The following LOXHD1 variants were observed in gnomAD, a reference collection of about 807,000 sequenced individuals.
LOXHD1 encodes the protein lipoxygenase homology PLAT domains 1.
A neutral mutation model predicts 248.2 loss-of-function variants in LOXHD1; 205 were observed. The ratio of observed to expected loss-of-function variants is 0.83; its 90% CI spans 0.74 to 0.93. LOXHD1 has a LOEUF of 0.93. LOXHD1 is among the 40% of genes least tolerant of loss of function. LOXHD1 has a pLI of 0.00. For synonymous variants in LOXHD1, 1,113 were observed against 1,162.8 expected (o/e 0.96, Z 0.87); for missense variants, 2,930 against 2,971.6 (o/e 0.99, Z 0.33).
intron 18 of LOXHD1, among the ~76,000 whole-genome samples, chr18:46,561,619 G>A (rs2037531558): frequency 6.6e-6 from 1 of 152,210 alleles, no homozygotes; most frequent in Non-Finnish European, 1.5e-5. Context: ...TGTCCCATGA[G>A]TTCCACAGTG....
At position 46,649,162 on chromosome 18, in the gene LOXHD1, TGA is replaced by T; in HGVS notation, c.236_237del (p.Leu79HisfsTer9). On this transcript the variant is annotated frameshift_variant, in exon 2 of 41. Coordinates refer to ENST00000642948, the MANE Select transcript of LOXHD1 (RefSeq NM_001384474.1). LOFTEE classifies it high-confidence loss of function. ...GGCCAAGTGGGTACTCACTTGCTGG[TGA>T]GCTGGAGCTTGGGAGAGAGCCCATT... ...GENGLSPKLQ[L>X]TSKSKSAFEK... is the part of the protein sequence containing the mutation. The T allele has an allele frequency of 6.4e-7, 1 of 1,551,648 alleles. No homozygotes were observed. The highest frequency in any genetic ancestry group is 8.7e-7 in the Non-Finnish European group (1 of 1,146,946).
intron 4 of LOXHD1, among the ~76,000 whole-genome samples, chr18:46,632,075 T>C (rs1178070110): frequency 6.6e-6 from 1 of 152,188 alleles, no homozygotes; most frequent in Non-Finnish European, 1.5e-5. Context: ...GGGGAGGCAC[T>C]CTGTGCTGCT....
chr18:46,596,180 G>A (rs919480517), intron 8 of LOXHD1, among the ~76,000 whole-genome samples: 2 of 149,544 alleles, frequency 1.3e-5, no homozygotes, highest in African/African-American at 4.9e-5. Flanking sequence ...ATAATTTAGT[G>A]TAATTCATAT....
At chr18:46,599,908 C>T (rs1344370160) in intron 8 of LOXHD1, among the ~76,000 whole-genome samples, 1 of 152,146 alleles carries the variant, frequency 6.6e-6, no homozygotes, top group Non-Finnish European at 1.5e-5. Flanking sequence ...AAAATTCAGA[C>T]AATATCAAGC....
At chr18:46,655,888 T>G (rs1457524937) in intron 1 of LOXHD1, among the ~76,000 whole-genome samples, 1 of 152,152 alleles carries the variant, frequency 6.6e-6, no homozygotes, top group Non-Finnish European at 1.5e-5. Flanking sequence ...GAACTCATGG[T>G]GGACTGGAAT....
chr18:46,655,437 C>T (rs2039167836), intron 1 of LOXHD1, among the ~76,000 whole-genome samples: 1 of 152,208 alleles, frequency 6.6e-6, no homozygotes, highest in Non-Finnish European at 1.5e-5. Context: ...GTGAGAGGTT[C>T]TAGAATGATC....
chr18:46,482,063 T>C (rs2032623590), intron 40 of LOXHD1, among the ~76,000 whole-genome samples: 1 of 152,212 alleles, frequency 6.6e-6, no homozygotes, highest in South Asian at 2.1e-4. Flanking sequence ...AGTCATTCAC[T>C]TTTCTGGGAT....
intron 37 of LOXHD1, among the ~76,000 whole-genome samples, chr18:46,496,090 T>C (rs1246386932): frequency 6.6e-6 from 1 of 152,192 alleles, no homozygotes; most frequent in Non-Finnish European, 1.5e-5. Context: ...GTTTAGGATT[T>C]GATTTTATAT....
chr18:46,562,291 T>C (rs1339167035), intron 18 of LOXHD1, among the ~76,000 whole-genome samples: 1 of 152,236 alleles, frequency 6.6e-6, no homozygotes, highest in Non-Finnish European at 1.5e-5. Flanking sequence ...AAGGACTCTT[T>C]GCTGAAGGCT....
chr18:46,593,288 T>C (rs1386504461), intron 10 of LOXHD1, among the ~76,000 whole-genome samples: 1 of 152,252 alleles, frequency 6.6e-6, no homozygotes, highest in Non-Finnish European at 1.5e-5. Flanking sequence ...CTAAGTGTTC[T>C]CAGGGTCTCT....
chr18:46,533,252 C>T lies in LOXHD1; in HGVS notation c.4285G>A (p.Glu1429Lys). ...GTGAAGATGTCATATGGAACCAGTT[C>T]TCGAATGGTCTTTTTGTCATCCTCA... The part of the protein sequence containing the change: ...TSEDDKKTIR[E>K]LVPYDIFTEK... The change falls in exon 28 of 41, where the codon GAA becomes AAA. Residue 1429 changes from glutamate to lysine, a missense_variant. By Grantham distance (56) the Glu-to-Lys change is moderately conservative. Transcript: ENST00000642948. The T allele has an allele frequency of 6.4e-7, 1 of 1,551,746 alleles. No individual in the cohort carries two copies. The highest frequency in any genetic ancestry group is 8.7e-7 in the Non-Finnish European group (1 of 1,147,010).
Position 46,628,319 on chromosome 18 carries a change from G to A in LOXHD1, c.512-10029C>T, listed in dbSNP as rs181652172. ...CTAGGTGGGAGCAGATGGGGTGGGC[G>A]GGGAGCTGCTGTGAGCTTCAGTGGA... On this transcript the variant is annotated intron_variant, in intron 4 of 40. Coordinates refer to ENST00000642948, the MANE Select transcript of LOXHD1 (RefSeq NM_001384474.1). Among the ~76,000 whole-genome samples the A allele has an allele frequency of 9.2e-5, 14 of 152,254 alleles. No homozygotes were observed. The East Asian group carries it at 1.2e-3, about 13-fold the overall frequency.
At chr18:46,620,966 T>G in intron 4 of LOXHD1, among the ~76,000 whole-genome samples, 1 of 151,914 alleles carries the variant, frequency 6.6e-6, no homozygotes, top group East Asian at 1.9e-4. Context: ...GTGAGGCAAT[T>G]TGGGGAGACA....
chr18:46,539,226 C>T (rs905802446), intron 25 of LOXHD1, among the ~76,000 whole-genome samples: 2 of 152,074 alleles, frequency 1.3e-5, no homozygotes, highest in African/African-American at 2.4e-5. Flanking sequence ...TTTGGGAGGC[C>T]GAGGTGGGCT....
chr18:46,566,151 A>G, intron 17 of LOXHD1, 106 bp downstream of exon 17: 2 of 1,265,128 alleles, frequency 1.6e-6, no homozygotes, highest in South Asian at 3.1e-5. Flanking sequence ...CCCTACCAGC[A>G]GCACTTGTCA....
At chr18:46,507,365 G>T (rs2034637291) in intron 36 of LOXHD1, among the ~76,000 whole-genome samples, 173 bp downstream of exon 36, 1 of 152,222 alleles carries the variant, frequency 6.6e-6, no homozygotes, top group African/African-American at 2.4e-5. Context: ...TCACTCCCTG[G>T]GAGGAGATGC....
rs750477568 is a variant in LOXHD1, at chr18:46,557,349, C to G, written c.3350+7G>C. ...CACCCCTCCCTGCCCACTGCCCCCA[C>G]ACTCACGTGATCTCGTTGTTCATGT... is the stretch of plus-strand genomic sequence containing the variant. On this transcript the variant is annotated splice_region_variant and intron_variant, in intron 21 of 40. Coordinates refer to ENST00000642948, the MANE Select transcript of LOXHD1 (RefSeq NM_001384474.1). 8.4e-6 allele frequency: 13 copies of G among 1,552,358 alleles called. No individual in the cohort carries two copies. The highest frequency in any genetic ancestry group is 1.1e-5 in the Non-Finnish European group (13 of 1,147,148).
At chr18:46,590,156 A>G (rs2038138902) in intron 12 of LOXHD1, among the ~76,000 whole-genome samples, 1 of 152,060 alleles carries the variant, frequency 6.6e-6, no homozygotes, top group Admixed American at 6.5e-5. Context: ...CAGCATAGAT[A>G]TTACCTGTAA....
intron 14 of LOXHD1, among the ~76,000 whole-genome samples, chr18:46,573,785 A>T (rs763817730): frequency 6.6e-6 from 1 of 152,234 alleles, no homozygotes; most frequent in Non-Finnish European, 1.5e-5. Flanking sequence ...CCTTGCTCTC[A>T]GTTGGCTATT....
Sources: gnomAD v4.1 joint callset for allele counts (sites outside exome capture counted in the v4.1 genomes callset) on GRCh38, gnomAD v4.1.1 for gene constraint, MANE v1.5 for transcripts, NCBI Gene and HGNC (gene_info 2026-07-23, HGNC 2026-07-21) for gene names.